The following NDUFAF6 variants were observed in gnomAD, a reference collection of about 807,000 sequenced individuals.
The protein encoded by NDUFAF6 is NADH dehydrogenase (ubiquinone) complex I, assembly factor 6.
Under a neutral mutation model 40.8 loss-of-function variants are expected in NDUFAF6, and 45 were observed. The observed-to-expected ratio is 1.10, with a 90% CI of 0.87 to 1.42. The LOEUF (loss-of-function observed/expected upper bound fraction) is 1.42. Ranked by LOEUF, NDUFAF6 falls within the 40% of genes most tolerant of loss-of-function variation. NDUFAF6 has a pLI of 0.00. For missense variants in NDUFAF6, 435 were observed against 418.5 expected (o/e 1.04, Z -0.34); for synonymous variants, 185 against 155.9 (o/e 1.19, Z -1.39).
chr8:95,024,791 C>A (rs1215918326), upstream of NDUFAF6, among the ~76,000 whole-genome samples: 1 of 152,290 alleles, frequency 6.6e-6, no homozygotes, highest in Admixed American at 6.5e-5. Context: ...CAGGAGGGGT[C>A]GGACGGACTT....
intron 8 of NDUFAF6, among the ~76,000 whole-genome samples, chr8:95,053,560 A>G (rs1831689912): frequency 6.6e-6 from 1 of 152,174 alleles, no homozygotes; most frequent in South Asian, 2.1e-4. Flanking sequence ...GTTCCAGACC[A>G]ATTATATTGG....
chr8:94,932,230 G>T, intron 1 of NDUFAF6: 1 of 961,814 alleles, frequency 1.0e-6, no homozygotes, highest in Non-Finnish European at 1.6e-6. Flanking sequence ...TTAAAGGCAC[G>T]TACATGTGCT....
At position 94,930,634 on chromosome 8, in the gene NDUFAF6, G is replaced by A. The variant is rs775456475; in HGVS notation, c.-935-14849G>A. The A allele has an allele frequency of 2.0e-5, 33 of 1,614,116 alleles. No individual in the cohort carries two copies. Among genetic ancestry groups the A allele is most frequent in the Admixed American group, 3.3e-5 (2 of 60,002 alleles). ...TGTTCTTTTATCCACTGGGAAGGGC[G>A]AAAGCTCTTGGGTTGTTCCAGAAAA... On this transcript the variant is annotated intron_variant, in intron 1 of 14. Coordinates refer to the NDUFAF6 transcript ENST00000396113.
At chr8:95,047,920 G>C (rs1212146531) in intron 6 of NDUFAF6, among the ~76,000 whole-genome samples, 2 of 151,940 alleles carry the variant, frequency 1.3e-5, no homozygotes, top group Non-Finnish European at 2.9e-5. Flanking sequence ...TTAACATCTT[G>C]TTGTGGCCAG....
chr8:95,003,306 G>A (rs893242161), intron 2 of NDUFAF6, among the ~76,000 whole-genome samples: 6 of 152,236 alleles, frequency 3.9e-5, no homozygotes, highest in African/African-American at 1.2e-4. Flanking sequence ...ATAGAGATAT[G>A]TATTAAGTGC....
At chr8:94,932,386 C>T (rs1018447468) in intron 1 of NDUFAF6, among the ~76,000 whole-genome samples, 13 of 152,192 alleles carry the variant, frequency 8.5e-5, no homozygotes, top group African/African-American at 2.9e-4. Flanking sequence ...ACAATGGAAG[C>T]AATCTGACTT....
chr8:94,986,830 G>A (rs771862042), intron 2 of NDUFAF6, among the ~76,000 whole-genome samples: 17 of 152,058 alleles, frequency 1.1e-4, no homozygotes, highest in Non-Finnish European at 2.4e-4. Flanking sequence ...GAAAACACCA[G>A]GGTGGTTAAA....
At chr8:95,103,058 A>C (rs1809704273) in exon 3 of NDUFAF6, 1 of 152,190 alleles carries the variant, frequency 6.6e-6, no homozygotes, top group South Asian at 2.1e-4. Flanking sequence ...GGTGACCCCG[A>C]TGCAAAGAGA....
At chr8:95,005,609 G>A (rs1826944892) in intron 2 of NDUFAF6, among the ~76,000 whole-genome samples, 1 of 142,874 alleles carries the variant, frequency 7.0e-6, no homozygotes, top group Non-Finnish European at 1.5e-5. Flanking sequence ...ATTATTATAA[G>A]CCCTCATCAT....
chr8:95,025,017 C>G lies in NDUFAF6; in HGVS notation c.9C>G (p.Ala3=). 2 of 1,344,846 alleles carry G rather than the reference C, an allele frequency of 1.5e-6. No homozygotes were observed. Among genetic ancestry groups the G allele is most frequent in the Admixed American group, 3.8e-5 (1 of 26,042 alleles). The allele number at this position is 1,344,846 out of a possible 1,614,324, so 83.3% of individuals were successfully genotyped here. A position where few individuals can be genotyped will look rare whatever the true frequency, so the allele number is the denominator to read the frequency against. MA[A]SAHGSVWGPL... is the part of the protein sequence containing the mutation. The stretch of plus-strand genomic sequence containing the variant: ...CACGCAGTGCCGGCGTCATGGCGGC[C>G]TCCGCGCACGGCTCTGTCTGGGGGC... Residue 3 remains alanine, a synonymous_variant, in exon 1 of 9, where the codon GCC becomes GCG. Coordinates refer to ENST00000396124, the MANE Select transcript of NDUFAF6 (RefSeq NM_152416.4).
chr8:95,096,121 A>G (rs986105334), upstream of NDUFAF6, among the ~76,000 whole-genome samples: 9 of 152,146 alleles, frequency 5.9e-5, no homozygotes, highest in Admixed American at 6.5e-5. Flanking sequence ...ACCTGGCCCA[A>G]TTTACAAATA....
At chr8:94,931,503 T>C (rs1360545803) in intron 1 of NDUFAF6, among the ~76,000 whole-genome samples, 1 of 152,118 alleles carries the variant, frequency 6.6e-6, no homozygotes, top group African/African-American at 2.4e-5. Context: ...CATGAAGAGC[T>C]GTATGATTTT....
chr8:95,115,382 G>T (rs1810110870), intron 4 of NDUFAF6, among the ~76,000 whole-genome samples: 1 of 152,140 alleles, frequency 6.6e-6, no homozygotes, highest in South Asian at 2.1e-4. Flanking sequence ...GGCATCCCTT[G>T]GCAACTTTTA....
At chr8:95,025,250 C>T (rs1311709305) in intron 1 of NDUFAF6, 45 bp downstream of exon 1, 8 of 1,352,660 alleles carry the variant, frequency 5.9e-6, no homozygotes, top group South Asian at 1.8e-5. Flanking sequence ...AGCGGGGTCC[C>T]GGGGTGGGAG....
chr8:94,902,691 T>TA lies in NDUFAF6; in HGVS notation c.-936+6765dup, dbSNP rs1330287453. 3.3e-5 allele frequency among the ~76,000 whole-genome samples: 4 copies of TA among 122,278 alleles called. No individual in the cohort carries two copies. The East Asian group carries it at 7.8e-4, about 24-fold the overall frequency. The allele number at this position is 122,278 out of a possible 152,430, so 80.2% of individuals were successfully genotyped here. A position where few individuals can be genotyped will look rare whatever the true frequency, so the allele number is the denominator to read the frequency against. ...CCACAAGGAAGTCTTTTTGTGGACATACTTTTTTTTTTTTTTTTTTGAGAT... is the reference window on the plus strand; with the variant it reads ...CCACAAGGAAGTCTTTTTGTGGACATAACTTTTTTTTTTTTTTTTTTGAGAT... On this transcript the variant is annotated intron_variant, in intron 1 of 14. Coordinates refer to the NDUFAF6 transcript ENST00000396113.
chr8:95,089,211 C>A (rs1252005467), intron 2 of NDUFAF6, among the ~76,000 whole-genome samples: 1 of 151,994 alleles, frequency 6.6e-6, no homozygotes, highest in Non-Finnish European at 1.5e-5. Flanking sequence ...CAGGCACACA[C>A]CACCTCGTCC....
intron 2 of NDUFAF6, among the ~76,000 whole-genome samples, chr8:95,090,302 G>A (rs1193309359): frequency 7.9e-5 from 12 of 152,076 alleles, no homozygotes; most frequent in African/African-American, 4.8e-5. Flanking sequence ...TACCTAGCAC[G>A]CCTGCACCTG....
chr8:95,052,031 T>G (rs1239970987), intron 7 of NDUFAF6, 143 bp from the exon 8 acceptor site: 8 of 764,914 alleles, frequency 1.0e-5, no homozygotes, highest in Middle Eastern at 2.3e-4. Flanking sequence ...CCTAGGAAAC[T>G]AATCTTAATC....
chr8:95,110,985 C>G (rs916307686), intron 4 of NDUFAF6, among the ~76,000 whole-genome samples: 1 of 152,196 alleles, frequency 6.6e-6, no homozygotes, highest in Non-Finnish European at 1.5e-5. Flanking sequence ...ACTCGCTGAT[C>G]CCCCTCCTTG....
Sources: allele counts gnomAD v4.1 joint callset (sites outside exome capture counted in the v4.1 genomes callset), GRCh38; gene constraint gnomAD v4.1.1; transcripts MANE v1.5; gene names NCBI Gene and HGNC (gene_info 2026-07-23, HGNC 2026-07-21).